DNAH7: variants seen among roughly 807,000 people sequenced by gnomAD.
DNAH7 encodes the protein dynein axonemal heavy chain 7, also known as axonemal beta dynein heavy chain 7.
A neutral mutation model predicts 444.6 loss-of-function variants in DNAH7; 397 were observed. The ratio of observed to expected loss-of-function variants is 0.89; its 90% CI spans 0.82 to 0.97. The LOEUF (loss-of-function observed/expected upper bound fraction) is 0.97. DNAH7 is among the 50% of genes least tolerant of loss of function. The probability of loss-of-function intolerance (pLI) is 0.00; values close to 1 mark genes in which losing one functional copy is unlikely to be tolerated. For synonymous variants in DNAH7, 1,636 were observed against 1,624.4 expected (o/e 1.01, Z -0.17); for missense variants, 4,902 against 4,800.8 (o/e 1.02, Z -0.62).
chr2:195,967,552 C>T (rs1356557755), intron 17 of DNAH7, among the ~76,000 whole-genome samples: 1 of 152,176 alleles, frequency 6.6e-6, no homozygotes, highest in East Asian at 1.9e-4. Context: ...GATGAAATCT[C>T]TCAGCTTTTG....
chr2:196,052,605 T>C (rs1374397269), intron 2 of DNAH7, among the ~76,000 whole-genome samples: 1 of 152,238 alleles, frequency 6.6e-6, no homozygotes, highest in East Asian at 1.9e-4. Flanking sequence ...TGTACCACTT[T>C]TATGCCTATT....
chr2:195,941,261 T>G (rs1689418018), intron 19 of DNAH7, among the ~76,000 whole-genome samples: 1 of 151,888 alleles, frequency 6.6e-6, no homozygotes, highest in Admixed American at 6.6e-5. Flanking sequence ...CTCAGCAAAC[T>G]AACACAGGAA....
chr2:195,737,798 T>C lies in DNAH7; in HGVS notation c.*123A>G, dbSNP rs1692722160. ...TAGCTGCATTTGCTCATAAGTAAAT[T>C]CATAATTATAACTTTAGTCAAATGT... On this transcript the variant is annotated 3_prime_UTR_variant, in exon 65 of 65. Transcript: ENST00000312428. 4 of 818,828 alleles carry C rather than the reference T, an allele frequency of 4.9e-6. No individual in the cohort carries two copies. Among genetic ancestry groups the C allele is most frequent in the Non-Finnish European group, 7.5e-6 (4 of 532,174 alleles). The allele number at this position is 818,828 out of a possible 1,614,324, so 50.7% of individuals were successfully genotyped here. A position where few individuals can be genotyped will look rare whatever the true frequency, so the allele number is the denominator to read the frequency against.
intron 6 of DNAH7, among the ~76,000 whole-genome samples, chr2:196,027,321 T>C (rs1185764836): frequency 6.6e-6 from 1 of 152,002 alleles, no homozygotes; most frequent in Non-Finnish European, 1.5e-5. Context: ...AGTATCTCTA[T>C]ATATTAATTC....
At chr2:195,991,284 A>G (rs1693321782) in intron 12 of DNAH7, among the ~76,000 whole-genome samples, 1 of 151,228 alleles carries the variant, frequency 6.6e-6, no homozygotes, top group Non-Finnish European at 1.5e-5. Context: ...AAATTCCCAC[A>G]TGCTGACAAT....
intron 12 of DNAH7, among the ~76,000 whole-genome samples, chr2:195,992,809 G>A (rs1693434767): frequency 1.3e-5 from 2 of 152,156 alleles, no homozygotes; most frequent in Non-Finnish European, 2.9e-5. Flanking sequence ...CCTCCAACTT[G>A]GGACGCCATT....
In DNAH7 at chr2:195,972,323, C is replaced by T. The variant is rs780782427; in HGVS notation, c.1977G>A (p.Trp659Ter). The part of the protein sequence containing the change: ...DMRLNNSVFQ[W>*]YGRMGEIFEE... ...CAAAAATTTCTCCCATCCTTCCATACCACTGGAAAACACTATTATTTAGCC... is the reference window on the plus strand; with the variant it reads ...CAAAAATTTCTCCCATCCTTCCATATCACTGGAAAACACTATTATTTAGCC... Residue 659 changes from tryptophan (W) to a stop codon, truncating the protein, a stop_gained, in exon 16 of 65, where the codon TGG becomes TGA. Transcript: ENST00000312428. LOFTEE classifies it high-confidence loss of function. The T allele has an allele frequency of 8.1e-6, 13 of 1,613,974 alleles. No individual in the cohort carries two copies. The South Asian group carries it at 1.2e-4, about 15-fold the overall frequency.
chr2:195,777,738 T>A, intron 59 of DNAH7, 62 bp downstream of exon 59: 1 of 1,501,340 alleles, frequency 6.7e-7, no homozygotes, highest in African/African-American at 1.4e-5. Flanking sequence ...TTAAAAAATA[T>A]CATCACTACC....
Position 195,787,087 on chromosome 2 carries a change from T to A in DNAH7, c.10801A>T (p.Asn3601Tyr). 1 of 1,612,850 alleles carries A rather than the reference T, an allele frequency of 6.2e-7. No individual in the cohort carries two copies. Among genetic ancestry groups the A allele is most frequent in the Non-Finnish European group, 8.5e-7 (1 of 1,179,662 alleles). ...ERRKFGPLGW[N>Y]IPYEFNETDL... ...GTCTCATTGAACTCATAAGGAATAT[T>A]CCACCCTAGGGGTCCAAATTTCCGT... Residue 3601 changes from asparagine to tyrosine, a missense_variant, in exon 58 of 65, where the codon AAT becomes TAT. Physicochemically the swap from Asn to Tyr is moderately radical, Grantham distance 143 (BLOSUM62 -2). Coordinates refer to ENST00000312428, the MANE Select transcript of DNAH7 (RefSeq NM_018897.3).
chr2:195,754,255 A>G (rs1693957283), intron 63 of DNAH7, 82 bp downstream of exon 63: 2 of 1,367,118 alleles, frequency 1.5e-6, no homozygotes, highest in Middle Eastern at 1.9e-4. Flanking sequence ...TACTTTTTTA[A>G]CAGCTGAGGA....
intron 47 of DNAH7, among the ~76,000 whole-genome samples, chr2:195,840,125 G>A (rs111833050): frequency 5.9e-5 from 9 of 151,484 alleles, no homozygotes; most frequent in African/African-American, 2.2e-4. Flanking sequence ...TTAGCAAATC[G>A]AATCCAAAAA....
chr2:195,748,341 T>C (rs377492778), intron 63 of DNAH7, among the ~76,000 whole-genome samples: 3 of 151,964 alleles, frequency 2.0e-5, no homozygotes, highest in South Asian at 4.1e-4. Flanking sequence ...AAAGAGGATA[T>C]AAACAAATGG....
At chr2:195,888,572 A>AT in intron 32 of DNAH7, 138 bp from the exon 33 acceptor site, 1 of 1,041,008 alleles carries the variant, frequency 9.6e-7, no homozygotes, top group Non-Finnish European at 1.3e-6. Flanking sequence ...CATGATGTCG[A>AT]TTTTTGTGTC....
Position 195,873,692 on chromosome 2 carries a change from C to A in DNAH7, c.6289G>T (p.Gly2097Cys). The change falls in exon 39 of 65, where the codon GGT (glycine) becomes TGT (cysteine). Residue 2097 changes from glycine (G) to cysteine (C), a missense_variant and splice_region_variant. Gly to Cys is a radical substitution (Grantham distance 159). Transcript: ENST00000312428. ...CGAGGAGTTACTGGATTTCGACCAC[C>A]ACCTAAATATTAAAAAGTATAACTC... Reference protein sequence around the residue: ...QIMCAMGPPGGGRNPVTPRYM... With the variant: ...QIMCAMGPPGCGRNPVTPRYM... The A allele has an allele frequency of 6.6e-7, 1 of 1,525,050 alleles. No homozygotes were observed. 94.5% of individuals were successfully genotyped at this position (1,525,050 alleles called of 1,614,324 possible).
intron 41 of DNAH7, 98 bp from the exon 42 acceptor site, chr2:195,862,044 G>T: frequency 2.2e-6 from 2 of 901,640 alleles, no homozygotes; most frequent in Non-Finnish European, 3.5e-6. Flanking sequence ...TGGGGGTGAA[G>T]GGGAATAGTG....
At position 195,888,937 on chromosome 2, in the gene DNAH7, T is replaced by A; in HGVS notation, c.5091A>T (p.Ala1697=). The change falls in exon 32 of 65, where the codon GCA becomes GCT. Residue 1697 remains alanine, a synonymous_variant. Coordinates refer to ENST00000312428, the MANE Select transcript of DNAH7 (RefSeq NM_018897.3). ...CAGTGTTCATATTCTCAATCCACAC[T>A]GCATCTACTGGGCCATCAAAAATTA... is the stretch of plus-strand genomic sequence containing the variant. ...KWLIFDGPVD[A]VWIENMNTVL... 1 of 1,613,848 alleles carries A rather than the reference T, an allele frequency of 6.2e-7. No homozygotes were observed. Among genetic ancestry groups the A allele is most frequent in the Non-Finnish European group, 8.5e-7 (1 of 1,179,908 alleles).
chr2:195,841,210 TTTTCTCTCTCTTTCTC>T (rs901237861), intron 47 of DNAH7, among the ~76,000 whole-genome samples: 41 of 151,568 alleles, frequency 2.7e-4, no homozygotes, highest in African/African-American at 8.7e-4. Flanking sequence ...CAATTGTATA[TTTTCTCTCTCTTTCTC>T]TTTCTCTCTC....
chr2:195,825,405 T>C (rs946945771), intron 48 of DNAH7, among the ~76,000 whole-genome samples: 1 of 152,212 alleles, frequency 6.6e-6, no homozygotes, highest in African/African-American at 2.4e-5. Flanking sequence ...ATGCTAATTA[T>C]TTTTTTGACT....
intron 47 of DNAH7, among the ~76,000 whole-genome samples, chr2:195,836,428 T>C (rs1698375570): frequency 1.3e-5 from 2 of 152,068 alleles, no homozygotes; most frequent in South Asian, 4.2e-4. Context: ...CGAGGATCAC[T>C]TGAGTTTGCA....
Sources: gnomAD v4.1 joint callset for allele counts (sites outside exome capture counted in the v4.1 genomes callset) on GRCh38, gnomAD v4.1.1 for gene constraint, MANE v1.5 for transcripts, NCBI Gene and HGNC (gene_info 2026-07-23, HGNC 2026-07-21) for gene names.